PDE2A: variants seen among roughly 807,000 people sequenced by gnomAD.
PDE2A encodes the protein cGMP-dependent 3',5'-cyclic phosphodiesterase.
In PDE2A, 53 loss-of-function variants were observed where a neutral mutation model predicts 133.6. That is an observed-to-expected ratio of 0.40 (90% confidence interval 0.32 to 0.50). The LOEUF (loss-of-function observed/expected upper bound fraction) is 0.50, where lower values mean the gene tolerates loss of function less well. Among genes scored for constraint, PDE2A ranks in the 20% least tolerant of loss-of-function variants. PDE2A has a pLI of 0.73. For synonymous variants in PDE2A, 491 were observed against 490.2 expected (o/e 1.00, Z -0.02); for missense variants, 796 against 1,232.4 (o/e 0.65, Z 5.30).
At chr11:72,588,948 A>G (rs1856104018) in intron 12 of PDE2A, 34 bp from the exon 13 acceptor site, 2 of 1,582,916 alleles carry the variant, frequency 1.3e-6, no homozygotes, top group South Asian at 1.1e-5. Flanking sequence ...GCAGGGAAGC[A>G]GGGCGCAGTA....
intron 1 of PDE2A, among the ~76,000 whole-genome samples, chr11:72,666,323 G>A (rs1358640338): frequency 6.6e-6 from 1 of 152,142 alleles, no homozygotes; most frequent in Non-Finnish European, 1.5e-5. Context: ...CTGAACTTCA[G>A]TAGTTGCATC....
At chr11:72,667,699 A>T (rs1855275916) in intron 1 of PDE2A, among the ~76,000 whole-genome samples, 1 of 152,164 alleles carries the variant, frequency 6.6e-6, no homozygotes, top group Non-Finnish European at 1.5e-5. Flanking sequence ...AGCCTGAGGC[A>T]GAGAGGAGTA....
chr11:72,577,091 T>C lies in PDE2A; in HGVS notation c.*293A>G, dbSNP rs1855502777. 8.4e-6 allele frequency: 3 copies of C among 355,566 alleles called. No individual in the cohort carries two copies. The Admixed American group carries it at 1.3e-4, about 15-fold the overall frequency. 22.0% of individuals were successfully genotyped at this position (355,566 alleles called of 1,614,324 possible). A position where few individuals can be genotyped will look rare whatever the true frequency, so the allele number is the denominator to read the frequency against. ...ACCATCAAGCTGCTCAGACAAAGAA[T>C]GGCTTGGGAAAGACTTGCCAAGGTG... On this transcript the variant is annotated 3_prime_UTR_variant, in exon 31 of 31. Coordinates refer to ENST00000334456, the MANE Select transcript of PDE2A (RefSeq NM_002599.5).
At chr11:72,614,948 A>G (rs1857389794) in intron 2 of PDE2A, 1 of 340,756 alleles carries the variant, frequency 2.9e-6, no homozygotes. Flanking sequence ...CCTGCCAGAG[A>G]CCTTTCCTCC....
intron 1 of PDE2A, chr11:72,659,353 C>T (rs1854986812): frequency 6.6e-6 from 1 of 151,412 alleles, no homozygotes; most frequent in South Asian, 2.1e-4. Flanking sequence ...GGCCTTTCTT[C>T]CTTAGGACCT....
intron 4 of PDE2A, among the ~76,000 whole-genome samples, chr11:72,603,089 A>T (rs533761688): frequency 6.6e-6 from 1 of 152,276 alleles, no homozygotes; most frequent in East Asian, 1.9e-4. Context: ...CATGGAAAGA[A>T]TTCCTGTTTG....
intron 16 of PDE2A, 96 bp from the exon 17 acceptor site, chr11:72,585,040 G>A: frequency 8.3e-7 from 1 of 1,202,868 alleles, no homozygotes; most frequent in African/African-American, 1.5e-5. Flanking sequence ...TCCGAGGCCT[G>A]GGAGGAGTGC....
chr11:72,612,733 G>GTGGGTAGA (rs1857270612), intron 2 of PDE2A, among the ~76,000 whole-genome samples: 2 of 149,490 alleles, frequency 1.3e-5, no homozygotes, highest in African/African-American at 5.0e-5. Context: ...GGCTGGGTGG[G>GTGGGTAGA]TGGGTAGATG....
intron 2 of PDE2A, among the ~76,000 whole-genome samples, chr11:72,626,163 G>A (rs1858053610): frequency 6.6e-6 from 1 of 152,264 alleles, no homozygotes; most frequent in Non-Finnish European, 1.5e-5. Flanking sequence ...TAAGTCCCCG[G>A]TGCTTTATGC....
At position 72,597,758 on chromosome 11, in the gene PDE2A, T is replaced by G. The variant is rs1359477754; in HGVS notation, c.324-139A>C. The G allele has an allele frequency of 5.0e-6, 3 of 605,282 alleles. No individual in the cohort carries two copies. Among genetic ancestry groups the G allele is most frequent in the Non-Finnish European group, 8.8e-6 (3 of 339,924 alleles). The allele number at this position is 605,282 out of a possible 1,614,324, so 37.5% of individuals were successfully genotyped here. A position where few individuals can be genotyped will look rare whatever the true frequency, so the allele number is the denominator to read the frequency against. The stretch of plus-strand genomic sequence containing the variant: ...CTGACCTGCCTCAGGTTGGACACGA[T>G]GACAGCACAAGTAAAAAAGTAGGGG... On this transcript the variant is annotated intron_variant, in intron 4 of 30. Coordinates refer to ENST00000334456, the MANE Select transcript of PDE2A (RefSeq NM_002599.5). The surrounding 1 kb of genome is among the most constrained non-coding windows in gnomAD (Gnocchi z 4.6).
intron 2 of PDE2A, among the ~76,000 whole-genome samples, chr11:72,640,932 C>T (rs1434042582): frequency 6.6e-6 from 1 of 152,138 alleles, no homozygotes; most frequent in Non-Finnish European, 1.5e-5. Context: ...ACCCATAATT[C>T]CCATAATCTC....
intron 1 of PDE2A, chr11:72,657,708 A>G (rs1854936838): frequency 6.8e-6 from 3 of 441,294 alleles, no homozygotes. Context: ...CAGCCACTGG[A>G]CATAGGCGTC....
rs115441144 is a variant in PDE2A at position 72,646,194 on chromosome 11, C to T, written c.72-3868G>A. Among the ~76,000 whole-genome samples, 761 of 152,330 alleles carry T rather than the reference C, an allele frequency of 5.0e-3. 6 individuals are homozygous for T. Among genetic ancestry groups the T allele is most frequent in the African/African-American group, 0.017 (709 of 41,560 alleles). On this transcript the variant is annotated intron_variant, in intron 1 of 30. Transcript: ENST00000334456. ...CTAGCCAACTCTTTTTGTCTTCCCA[C>T]CTTAGAGGCCACTTGGCCTGGAAAA...
chr11:72,600,023 T>C (rs1480093462), intron 4 of PDE2A, among the ~76,000 whole-genome samples: 1 of 152,110 alleles, frequency 6.6e-6, no homozygotes, highest in African/African-American at 2.4e-5. Context: ...TCCAGGGAAT[T>C]GCAATTGTGA....
rs1190434330 is a variant in PDE2A, at chr11:72,590,658, T to C, written c.550-78A>G. On this transcript the variant is annotated intron_variant, in intron 7 of 30. Coordinates refer to ENST00000334456, the MANE Select transcript of PDE2A (RefSeq NM_002599.5). The surrounding 1 kb of genome is among the most constrained non-coding windows in gnomAD (Gnocchi z 4.8). ...GCTGCAGCGGGATTCCTGCCTTTGC[T>C]CCCGCCGTTCCCTCTGCCTGCCGGG... The C allele has an allele frequency of 4.0e-6, 5 of 1,246,308 alleles. No homozygotes were observed. Among genetic ancestry groups the C allele is most frequent in the Non-Finnish European group, 5.1e-6 (5 of 974,060 alleles). The allele number at this position is 1,246,308 out of a possible 1,614,324, so 77.2% of individuals were successfully genotyped here.
At chr11:72,617,683 T>C (rs1857541038) in intron 2 of PDE2A, among the ~76,000 whole-genome samples, 1 of 151,956 alleles carries the variant, frequency 6.6e-6, no homozygotes, top group African/African-American at 2.4e-5. Flanking sequence ...AGCAGAGGGA[T>C]AGACATAAGA....
At chr11:72,606,802 T>TG (rs1211869074) in intron 3 of PDE2A, among the ~76,000 whole-genome samples, 3 of 152,038 alleles carry the variant, frequency 2.0e-5, no homozygotes, top group Non-Finnish European at 1.5e-5. Context: ...GGGTAGTCCA[T>TG]GGGGGCAGAG....
At chr11:72,603,384 T>C (rs918099662) in intron 4 of PDE2A, among the ~76,000 whole-genome samples, 1 of 152,162 alleles carries the variant, frequency 6.6e-6, no homozygotes, top group South Asian at 2.1e-4. Context: ...ATCTGAGCCC[T>C]CTCAAAAATG....
Position 72,583,792 on chromosome 11 carries a change from A to T in PDE2A, c.1651-277T>A, listed in dbSNP as rs115476099. 1.7e-3 allele frequency among the ~76,000 whole-genome samples: 252 copies of T among 152,270 alleles called. 1 individual carries two copies. Among genetic ancestry groups the T allele is most frequent in the African/African-American group, 5.7e-3 (238 of 41,546 alleles). On this transcript the variant is annotated intron_variant, in intron 19 of 30. Coordinates refer to ENST00000334456, the MANE Select transcript of PDE2A (RefSeq NM_002599.5). ...GCTTCAGTGATGGAGCCCAAGGCCCATGGCAGGGAAGGAGAAGCAAGGAGG... is the reference window on the plus strand; with the variant it reads ...GCTTCAGTGATGGAGCCCAAGGCCCTTGGCAGGGAAGGAGAAGCAAGGAGG...
Sources: allele counts gnomAD v4.1 joint callset (sites outside exome capture counted in the v4.1 genomes callset), GRCh38; gene constraint gnomAD v4.1.1; non-coding constraint Gnocchi (gnomAD v3.1); transcripts MANE v1.5; gene names NCBI Gene and HGNC (gene_info 2026-07-23, HGNC 2026-07-21).